IL1RAPL1: variants seen among roughly 807,000 people sequenced by gnomAD.
The protein encoded by IL1RAPL1 is interleukin 1 receptor accessory protein like 1.
Under a neutral mutation model 48.4 loss-of-function variants are expected in IL1RAPL1, and 3 were observed. That is an observed-to-expected ratio of 0.06 (90% CI 0.03 to 0.16). IL1RAPL1 has a LOEUF of 0.16. Ranked by LOEUF, IL1RAPL1 falls within the 10% of genes least tolerant of loss-of-function variation. The probability of loss-of-function intolerance (pLI) is 1.00; values close to 1 mark genes in which losing one functional copy is unlikely to be tolerated. For synonymous variants in IL1RAPL1, 185 were observed against 187.7 expected, an observed-to-expected ratio of 0.99 and a Z score of 0.12; for missense variants, 349 against 530.6, an observed-to-expected ratio of 0.66 and a Z score of 3.36.
chrX:29,842,148 G>A (rs1240864630), intron 6 of IL1RAPL1, among the ~76,000 whole-genome samples: 1 of 112,230 alleles, frequency 8.9e-6, no homozygotes, highest in African/African-American at 3.2e-5. Context: ...AACAGTTTAG[G>A]CATAGTAAAC....
At chrX:29,233,638 T>C (rs772325674) in intron 2 of IL1RAPL1, among the ~76,000 whole-genome samples, 1 of 110,559 alleles carries the variant, frequency 9.0e-6, no homozygotes, top group East Asian at 2.9e-4. Flanking sequence ...CCCAGTAAAA[T>C]CCCCTTCCCT....
Position 28,789,320 on chromosome X carries a change from G to C in IL1RAPL1, c.-24G>C. On this transcript the variant is annotated splice_region_variant and 5_prime_UTR_variant, in exon 2 of 11. Transcript: ENST00000378993. ...TTCTTCTTTTTAATCTTTGCTTTAGGGAACGGCCTTTAAGAGCTGGAAGAT... is the reference window on the plus strand; with the variant it reads ...TTCTTCTTTTTAATCTTTGCTTTAGCGAACGGCCTTTAAGAGCTGGAAGAT... 2.7e-6 allele frequency: 3 copies of C among 1,115,170 alleles called. No individual in the cohort carries two copies. The highest frequency in any genetic ancestry group is 3.7e-6 in the Non-Finnish European group (3 of 808,193). The allele number at this position is 1,115,170 out of a possible 1,213,427, so 91.9% of individuals were successfully genotyped here. A position where few individuals can be genotyped will look rare whatever the true frequency, so the allele number is the denominator to read the frequency against.
At chrX:28,769,771 A>G (rs1432613823) in intron 1 of IL1RAPL1, among the ~76,000 whole-genome samples, 4 of 111,602 alleles carry the variant, frequency 3.6e-5, no homozygotes, top group Non-Finnish European at 7.5e-5. Flanking sequence ...AGAGTTCCCT[A>G]CTGCTGCTGC....
intron 2 of IL1RAPL1, among the ~76,000 whole-genome samples, chrX:28,809,288 G>T: frequency 9.0e-6 from 1 of 110,593 alleles, no homozygotes; most frequent in African/African-American, 3.3e-5. Flanking sequence ...CTCATGAAGA[G>T]TACAGCCTAG....
chrX:29,495,769 T>C (rs1178220315), intron 5 of IL1RAPL1, among the ~76,000 whole-genome samples: 1 of 111,687 alleles, frequency 9.0e-6, no homozygotes, highest in Non-Finnish European at 1.9e-5. Flanking sequence ...ATTCTAGCCC[T>C]TGTGCCCAAA....
chrX:29,018,437 A>C lies in IL1RAPL1; in HGVS notation c.82+229012A>C, dbSNP rs182148397. On this transcript the variant is annotated intron_variant, in intron 2 of 10. Coordinates refer to ENST00000378993, the MANE Select transcript of IL1RAPL1 (RefSeq NM_014271.4). Reference sequence around the variant, plus strand: ...GATTTTGTCATCATGGGATTCTGGAAACATTCAGGAGGAGCATCTCATCTC... The same window carrying C: ...GATTTTGTCATCATGGGATTCTGGACACATTCAGGAGGAGCATCTCATCTC... 3.2e-3 allele frequency among the ~76,000 whole-genome samples: 361 copies of C among 112,165 alleles called. 2 individuals are homozygous for C. Among genetic ancestry groups the C allele is most frequent in the African/African-American group, 0.011 (346 of 30,917 alleles).
intron 1 of IL1RAPL1, among the ~76,000 whole-genome samples, chrX:28,604,430 T>C (rs1425746708): frequency 9.0e-6 from 1 of 111,407 alleles, no homozygotes; most frequent in Non-Finnish European, 1.9e-5. Context: ...CTGGAAAAAG[T>C]AAAAATTGTA....
At chrX:29,870,668 A>C (rs1046084235) in intron 6 of IL1RAPL1, among the ~76,000 whole-genome samples, 56 of 111,884 alleles carry the variant, frequency 5.0e-4, no homozygotes, top group African/African-American at 1.8e-3. Flanking sequence ...GTCAGGACAC[A>C]CTACCTCACT....
At chrX:28,840,883 C>T (rs1921353479) in intron 2 of IL1RAPL1, among the ~76,000 whole-genome samples, 1 of 110,446 alleles carries the variant, frequency 9.1e-6, no homozygotes, top group Admixed American at 9.7e-5. Flanking sequence ...ATCTTAACAG[C>T]AACAAGTATG....
chrX:28,935,797 G>A (rs1368472586), intron 2 of IL1RAPL1, among the ~76,000 whole-genome samples: 3 of 111,636 alleles, frequency 2.7e-5, no homozygotes, highest in African/African-American at 6.5e-5. Flanking sequence ...ATGCTGCCCC[G>A]CTAAGATGCT....
intron 5 of IL1RAPL1, among the ~76,000 whole-genome samples, chrX:29,534,971 A>G (rs1272108026): frequency 1.9e-5 from 2 of 107,242 alleles, no homozygotes; most frequent in Non-Finnish European, 3.9e-5. Context: ...CCGTCTCAAA[A>G]AAAAAAAGAG....
chrX:29,172,044 G>A (rs762375353), intron 2 of IL1RAPL1, among the ~76,000 whole-genome samples: 2 of 112,317 alleles, frequency 1.8e-5, no homozygotes, highest in East Asian at 5.5e-4. Flanking sequence ...AAGGTATTTT[G>A]AACCATTAAA....
At chrX:29,758,177 T>C (rs1162671099) in intron 6 of IL1RAPL1, among the ~76,000 whole-genome samples, 2 of 112,285 alleles carry the variant, frequency 1.8e-5, no homozygotes, top group African/African-American at 6.5e-5. Context: ...GTTTAATTCT[T>C]TCTTCTGGCA....
chrX:29,693,946 CT>C (rs1926843787), intron 6 of IL1RAPL1, among the ~76,000 whole-genome samples: 1 of 111,222 alleles, frequency 9.0e-6, no homozygotes, highest in African/African-American at 3.3e-5. Context: ...TGAGACTAAG[CT>C]TATTACTGTC....
At chrX:29,502,746 A>G (rs1163045257) in intron 5 of IL1RAPL1, among the ~76,000 whole-genome samples, 1 of 111,862 alleles carries the variant, frequency 8.9e-6, no homozygotes, top group Non-Finnish European at 1.9e-5. Flanking sequence ...ATCTGTTTTC[A>G]TCAGCGATAT....
At chrX:29,673,007 C>T (rs780782967) in intron 6 of IL1RAPL1, among the ~76,000 whole-genome samples, 1 of 111,598 alleles carries the variant, frequency 9.0e-6, no homozygotes, top group Non-Finnish European at 1.9e-5. Flanking sequence ...GCAATTTTAT[C>T]CAGTTTAACT....
chrX:28,962,230 A>G (rs755778678), intron 2 of IL1RAPL1, among the ~76,000 whole-genome samples: 2 of 112,065 alleles, frequency 1.8e-5, no homozygotes, highest in Non-Finnish European at 3.8e-5. Flanking sequence ...TAAACATTCA[A>G]ATGACTAAGC....
intron 3 of IL1RAPL1, among the ~76,000 whole-genome samples, chrX:29,302,983 C>G (rs1278659621): frequency 8.9e-6 from 1 of 112,152 alleles, no homozygotes; most frequent in Non-Finnish European, 1.9e-5. Context: ...GAGTTATACC[C>G]GAAGGGAGAG....
At chrX:28,969,950 T>TATATATGTTTCTAAACAC (rs1925024304) in intron 2 of IL1RAPL1, among the ~76,000 whole-genome samples, 4 of 110,860 alleles carry the variant, frequency 3.6e-5, no homozygotes, top group African/African-American at 9.9e-5. Context: ...TCTAAACACA[T>TATATATGTTTCTAAACAC]ATATATGTTT....
Sources: gnomAD v4.1 joint callset for allele counts (sites outside exome capture counted in the v4.1 genomes callset) on GRCh38, gnomAD v4.1.1 for gene constraint, MANE v1.5 for transcripts, NCBI Gene and HGNC (gene_info 2026-07-23, HGNC 2026-07-21) for gene names.